QTMAN: variants seen among roughly 807,000 people sequenced by gnomAD.
QTMAN encodes the protein tRNA-queuosine alpha-mannosyltransferase.
the QTMAN span, among the ~76,000 whole-genome samples, chr2:143,976,449 C>T: frequency 6.6e-6 from 1 of 152,224 alleles, no homozygotes; most frequent in Non-Finnish European, 1.5e-5. Context: ...TAGCACTTCA[C>T]TTCCAAATCC....
the QTMAN span, among the ~76,000 whole-genome samples, chr2:144,101,852 T>C: frequency 8.5e-5 from 13 of 152,246 alleles, no homozygotes; most frequent in African/African-American, 2.9e-4. Flanking sequence ...CTCATTATTC[T>C]TTCAATCATC....
chr2:144,148,539 T>A, the QTMAN span, among the ~76,000 whole-genome samples: 1 of 151,826 alleles, frequency 6.6e-6, no homozygotes, highest in Non-Finnish European at 1.5e-5. Flanking sequence ...CTATATTCCA[T>A]AAACAATAAA....
At chr2:144,101,334 A>G in the QTMAN span, among the ~76,000 whole-genome samples, 1 of 152,222 alleles carries the variant, frequency 6.6e-6, no homozygotes, top group East Asian at 1.9e-4. Context: ...TGACACAAGA[A>G]TCTCTACAAC....
At chr2:144,198,383 A>G in the QTMAN span, among the ~76,000 whole-genome samples, 1 of 152,208 alleles carries the variant, frequency 6.6e-6, no homozygotes, top group Non-Finnish European at 1.5e-5. Flanking sequence ...TTCATTAACA[A>G]GTCCAAAGGC....
At chr2:144,230,631 A>G in the QTMAN span, among the ~76,000 whole-genome samples, 1 of 152,196 alleles carries the variant, frequency 6.6e-6, no homozygotes, top group Non-Finnish European at 1.5e-5. Flanking sequence ...TGGAAATCAA[A>G]TAAAAGCAAT....
the QTMAN span, chr2:144,145,846 C>G: frequency 7.6e-6 from 6 of 791,438 alleles, no homozygotes; most frequent in Non-Finnish European, 1.2e-5. Context: ...AACACATCCC[C>G]TATAGGGACA....
At chr2:144,022,803 C>T in the QTMAN span, among the ~76,000 whole-genome samples, 1 of 152,042 alleles carries the variant, frequency 6.6e-6, no homozygotes, top group Non-Finnish European at 1.5e-5. Flanking sequence ...ACCTTGTGAT[C>T]TGCCCTCCTC....
At chr2:144,256,143 C>T in the QTMAN span, among the ~76,000 whole-genome samples, 3 of 152,102 alleles carry the variant, frequency 2.0e-5, no homozygotes, top group Admixed American at 6.5e-5. Context: ...AAAAAAAATG[C>T]ACCTTTTCCT....
chr2:144,219,420 T>C, the QTMAN span, among the ~76,000 whole-genome samples: 1 of 151,614 alleles, frequency 6.6e-6, no homozygotes, highest in Middle Eastern at 3.4e-3. Context: ...CGTAAGCCAC[T>C]GTGCCCGGCC....
the QTMAN span, among the ~76,000 whole-genome samples, chr2:144,057,576 A>G: frequency 6.6e-6 from 1 of 152,166 alleles, no homozygotes; most frequent in African/African-American, 2.4e-5. Flanking sequence ...TATGTGTGCT[A>G]ATGTTTCCTG....
At chr2:144,303,235 C>A in the QTMAN span, among the ~76,000 whole-genome samples, 1,545 of 152,174 alleles carry the variant, frequency 0.01, 21 homozygotes, top group African/African-American at 0.035. Context: ...GAAACAGAGG[C>A]TAGTAAAGTA....
At chr2:144,092,958 T>C in the QTMAN span, among the ~76,000 whole-genome samples, 1 of 150,388 alleles carries the variant, frequency 6.6e-6, no homozygotes, top group South Asian at 2.1e-4. Context: ...AAACAACATA[T>C]GAAAGTCCTA....
the QTMAN span, among the ~76,000 whole-genome samples, chr2:144,192,208 G>A: frequency 4.7e-4 from 71 of 152,080 alleles, no homozygotes; most frequent in African/African-American, 1.7e-3. Context: ...TCAGGTTCAA[G>A]TGATTCTCCT....
chr2:143,989,587 G>A, the QTMAN span, among the ~76,000 whole-genome samples: 2 of 152,118 alleles, frequency 1.3e-5, no homozygotes, highest in Non-Finnish European at 1.5e-5. Flanking sequence ...GTGAATAAAC[G>A]CACTGAGCTG....
chr2:144,122,347 G>A, the QTMAN span, among the ~76,000 whole-genome samples: 1 of 152,138 alleles, frequency 6.6e-6, no homozygotes. Flanking sequence ...TAAGACATTA[G>A]AAGAAAAAGT....
At chr2:144,132,010 T>A in the QTMAN span, among the ~76,000 whole-genome samples, 368 of 151,948 alleles carry the variant, frequency 2.4e-3, no homozygotes, top group African/African-American at 8.5e-3. Flanking sequence ...AAAAATCACA[T>A]CGTTTTTACT....
chr2:143,977,594 A>AGTGTCGCGGAAGTGTGGCTTCTGTGT, the QTMAN span, among the ~76,000 whole-genome samples: 1 of 152,104 alleles, frequency 6.6e-6, no homozygotes, highest in Non-Finnish European at 1.5e-5. Context: ...GGCTTCTGTG[A>AGTGTCGCGGAAGTGTGGCTTCTGTGT]GTGTCACAGA....
chr2:144,220,970 T>A, the QTMAN span, among the ~76,000 whole-genome samples: 7 of 152,332 alleles, frequency 4.6e-5, no homozygotes, highest in Non-Finnish European at 7.4e-5. Flanking sequence ...CCACATCATA[T>A]TTTTTGGAGT....
the QTMAN span, among the ~76,000 whole-genome samples, chr2:144,188,548 T>TGGATGGAC: frequency 6.9e-6 from 1 of 145,492 alleles, no homozygotes; most frequent in African/African-American, 2.5e-5. Context: ...GATGGATGGA[T>TGGATGGAC]GGACTGATGG....
Sources: gnomAD v4.1 joint callset for allele counts (sites outside exome capture counted in the v4.1 genomes callset) on GRCh38, gnomAD v4.1.1 for gene constraint, MANE v1.5 for transcripts, NCBI Gene and HGNC (gene_info 2026-07-23, HGNC 2026-07-21) for gene names.